KCNIP4: variants seen among roughly 807,000 people sequenced by gnomAD.
The protein encoded by KCNIP4 is Kv channel-interacting protein 4.
In KCNIP4, 12 loss-of-function variants were observed where a neutral mutation model predicts 34.0. That is an observed-to-expected ratio of 0.35 (90% confidence interval 0.23 to 0.57). The LOEUF (loss-of-function observed/expected upper bound fraction) is 0.57. KCNIP4 is among the 20% of genes least tolerant of loss of function. KCNIP4 has a pLI of 0.83. For missense variants in KCNIP4, 238 were observed against 311.7 expected (o/e 0.76, Z 1.78); for synonymous variants, 124 against 102.2 (o/e 1.21, Z -1.29).
At chr4:21,592,163 G>T (rs1742271212) in intron 1 of KCNIP4, among the ~76,000 whole-genome samples, 2 of 152,016 alleles carry the variant, frequency 1.3e-5, no homozygotes, top group South Asian at 4.1e-4. Flanking sequence ...TGACAATTAT[G>T]CCAAGAAAAA....
At chr4:21,111,741 C>T (rs148169101) in intron 1 of KCNIP4, among the ~76,000 whole-genome samples, 93 of 152,208 alleles carry the variant, frequency 6.1e-4, no homozygotes, top group African/African-American at 2.0e-3. Context: ...AGAGTGCTGC[C>T]GACCAGAAGA....
chr4:20,739,937 T>G (rs1332707684), intron 5 of KCNIP4, among the ~76,000 whole-genome samples: 1 of 152,004 alleles, frequency 6.6e-6, no homozygotes, highest in Non-Finnish European at 1.5e-5. Flanking sequence ...ACAAGAACTA[T>G]CTGATGCATT....
At chr4:21,932,219 G>T (rs1729611344) in intron 1 of KCNIP4, among the ~76,000 whole-genome samples, 1 of 152,018 alleles carries the variant, frequency 6.6e-6, no homozygotes, top group Non-Finnish European at 1.5e-5. Flanking sequence ...AGAAATTTAG[G>T]CTTCTCCGTA....
At chr4:21,154,574 G>A (rs1024117868) in intron 1 of KCNIP4, among the ~76,000 whole-genome samples, 2 of 152,202 alleles carry the variant, frequency 1.3e-5, no homozygotes, top group African/African-American at 4.8e-5. Context: ...CTGCAATGGA[G>A]ATGAACACTT....
At chr4:21,252,171 A>G (rs1374139061) in intron 1 of KCNIP4, among the ~76,000 whole-genome samples, 7 of 139,938 alleles carry the variant, frequency 5.0e-5, no homozygotes, top group African/African-American at 1.9e-4. Context: ...CTCTGTTGCC[A>G]GGCTGGAGTG....
Position 21,045,430 on chromosome 4 carries a change from C to A in KCNIP4, c.62-162721G>T, listed in dbSNP as rs1742347616. Among the ~76,000 whole-genome samples the A allele has an allele frequency of 2.6e-5, 4 of 152,360 alleles. No homozygotes were observed. The South Asian group carries it at 8.3e-4, about 32-fold the overall frequency. On this transcript the variant is annotated intron_variant, in intron 1 of 8. Transcript: ENST00000382152. Reference sequence around the variant, plus strand: ...TAGAACATTACAAGAAATTCCTAATCTCCGTGATCTGCTTTGTTTCAAAAT... The same window carrying A: ...TAGAACATTACAAGAAATTCCTAATATCCGTGATCTGCTTTGTTTCAAAAT...
At chr4:20,927,889 T>C (rs1730056770) in intron 1 of KCNIP4, among the ~76,000 whole-genome samples, 1 of 152,180 alleles carries the variant, frequency 6.6e-6, no homozygotes, top group Non-Finnish European at 1.5e-5. Context: ...TCTATCCCAC[T>C]ATTTTTGTCT....
At chr4:21,418,299 T>C (rs1725147432) in intron 1 of KCNIP4, among the ~76,000 whole-genome samples, 1 of 152,026 alleles carries the variant, frequency 6.6e-6, no homozygotes. Flanking sequence ...AAGAACCAGA[T>C]CTCCCTGTGC....
intron 1 of KCNIP4, among the ~76,000 whole-genome samples, chr4:21,919,192 G>T (rs1376277994): frequency 6.6e-6 from 1 of 152,136 alleles, no homozygotes; most frequent in Non-Finnish European, 1.5e-5. Flanking sequence ...GTAGACTATA[G>T]CGTGTTCCCT....
intron 1 of KCNIP4, among the ~76,000 whole-genome samples, chr4:21,717,994 C>T (rs1714518011): frequency 6.6e-6 from 1 of 152,076 alleles, no homozygotes; most frequent in Non-Finnish European, 1.5e-5. Context: ...TAACAGATCA[C>T]TTAGAACATG....
At chr4:21,184,174 A>T (rs1755045129) in intron 1 of KCNIP4, among the ~76,000 whole-genome samples, 1 of 152,116 alleles carries the variant, frequency 6.6e-6, no homozygotes, top group Non-Finnish European at 1.5e-5. Context: ...CAATTTTATC[A>T]TTAATAAAAT....
intron 1 of KCNIP4, among the ~76,000 whole-genome samples, chr4:21,566,994 T>G (rs539423787): frequency 9.2e-5 from 14 of 152,260 alleles, no homozygotes; most frequent in African/African-American, 3.4e-4. Flanking sequence ...ACCAACAACC[T>G]CATTTATATT....
intron 1 of KCNIP4, among the ~76,000 whole-genome samples, chr4:21,655,934 A>G (rs1747889124): frequency 6.6e-6 from 1 of 152,234 alleles, no homozygotes; most frequent in Non-Finnish European, 1.5e-5. Context: ...GTTTATCCTT[A>G]ACTGATGACT....
chr4:21,704,122 C>T (rs1713079163), intron 1 of KCNIP4, among the ~76,000 whole-genome samples: 1 of 152,120 alleles, frequency 6.6e-6, no homozygotes, highest in Non-Finnish European at 1.5e-5. Context: ...AATGGACATC[C>T]ATAGGCAAGA....
intron 1 of KCNIP4, among the ~76,000 whole-genome samples, chr4:21,469,926 T>C (rs1730320208): frequency 6.6e-6 from 1 of 152,238 alleles, no homozygotes; most frequent in African/African-American, 2.4e-5. Context: ...GAATTTTATG[T>C]TTGGAAAATA....
chr4:21,311,753 T>A (rs1037912631), intron 1 of KCNIP4, among the ~76,000 whole-genome samples: 2 of 152,146 alleles, frequency 1.3e-5, no homozygotes, highest in African/African-American at 2.4e-5. Context: ...TTTGAGGACA[T>A]CTTTGTCACC....
At chr4:21,473,337 A>G (rs1730624798) in intron 1 of KCNIP4, among the ~76,000 whole-genome samples, 1 of 152,192 alleles carries the variant, frequency 6.6e-6, no homozygotes. Flanking sequence ...GAACTGGGGC[A>G]TCTAGCCCTT....
At position 21,460,337 on chromosome 4, in the gene KCNIP4, T is replaced by C. The variant is rs1262086628; in HGVS notation, c.61+488234A>G. On this transcript the variant is annotated intron_variant, in intron 1 of 8. Coordinates refer to ENST00000382152, the MANE Select transcript of KCNIP4 (RefSeq NM_025221.6). The stretch of plus-strand genomic sequence containing the variant: ...CAGTGCAATTTTATTTAATTGCAGC[T>C]CTCCCTGTTGGACCCCTTCTTGCTC... Among the ~76,000 whole-genome samples, 3 of 152,026 alleles carry C rather than the reference T, an allele frequency of 2.0e-5. No individual in the cohort carries two copies. The East Asian group carries it at 5.8e-4, about 29-fold the overall frequency.
intron 1 of KCNIP4, among the ~76,000 whole-genome samples, chr4:21,175,502 G>A (rs1040856331): frequency 6.6e-6 from 1 of 152,098 alleles, no homozygotes; most frequent in Non-Finnish European, 1.5e-5. Context: ...TTCAGCATAC[G>A]ATTTTTTTCC....
Sources: gnomAD v4.1 joint callset for allele counts (sites outside exome capture counted in the v4.1 genomes callset) on GRCh38, gnomAD v4.1.1 for gene constraint, MANE v1.5 for transcripts, NCBI Gene and HGNC (gene_info 2026-07-23, HGNC 2026-07-21) for gene names.